The following LAMA2 variants were observed in gnomAD, a reference collection of about 807,000 sequenced individuals.
LAMA2 encodes laminin subunit alpha-2.
A neutral mutation model predicts 364.8 loss-of-function variants in LAMA2; 269 were observed. The observed-to-expected ratio is 0.74, with a 90% CI of 0.67 to 0.82. The LOEUF is 0.82. Ranked by LOEUF, LAMA2 falls within the 40% of genes least tolerant of loss-of-function variation. The pLI is 0.00. For synonymous variants in LAMA2, 1,379 were observed against 1,370.6 expected (o/e 1.01, Z -0.14); for missense variants, 3,807 against 3,873.2 (o/e 0.98, Z 0.45).
intron 3 of LAMA2, among the ~76,000 whole-genome samples, chr6:129,097,704 G>T (rs1775270858): frequency 6.6e-6 from 1 of 152,148 alleles, no homozygotes; most frequent in African/African-American, 2.4e-5. Flanking sequence ...TGTTTTTGCT[G>T]TACCATACTA....
intron 23 of LAMA2, among the ~76,000 whole-genome samples, chr6:129,313,361 A>AT (rs1463484016): frequency 1.3e-5 from 2 of 152,124 alleles, no homozygotes; most frequent in African/African-American, 4.8e-5. Flanking sequence ...TGGTATAGTG[A>AT]TTTTTTAAAA....
At chr6:129,471,925 T>C (rs1321980166) in intron 51 of LAMA2, among the ~76,000 whole-genome samples, 2 of 151,994 alleles carry the variant, frequency 1.3e-5, no homozygotes, top group African/African-American at 2.4e-5. Flanking sequence ...TTTGAAATGA[T>C]AGGGCTATAA....
intron 4 of LAMA2, among the ~76,000 whole-genome samples, chr6:129,141,365 A>G (rs749034735): frequency 2.6e-5 from 4 of 152,084 alleles, no homozygotes; most frequent in Non-Finnish European, 4.4e-5. Flanking sequence ...TGAGGAATAT[A>G]CAAGATCTGC....
chr6:129,201,370 G>A (rs763909482), intron 12 of LAMA2, among the ~76,000 whole-genome samples: 1 of 152,172 alleles, frequency 6.6e-6, no homozygotes, highest in Non-Finnish European at 1.5e-5. Context: ...CGAGGAGAGA[G>A]CTGCAGCTAT....
intron 21 of LAMA2, among the ~76,000 whole-genome samples, chr6:129,299,200 A>T (rs1562432204): frequency 6.6e-6 from 1 of 152,060 alleles, no homozygotes; most frequent in African/African-American, 2.4e-5. Flanking sequence ...CATGACTTGC[A>T]CAAAATAGCC....
At chr6:129,500,007 C>T (rs538925944) in intron 58 of LAMA2, among the ~76,000 whole-genome samples, 73 of 152,190 alleles carry the variant, frequency 4.8e-4, no homozygotes, top group Non-Finnish European at 8.8e-4. Context: ...CTTCCTGCCT[C>T]GGCTTTCCAA....
At chr6:129,084,632 G>A (rs1333428390) in intron 3 of LAMA2, among the ~76,000 whole-genome samples, 1 of 152,082 alleles carries the variant, frequency 6.6e-6, no homozygotes, top group Non-Finnish European at 1.5e-5. Flanking sequence ...TCCCCTCCAT[G>A]CAAAATGTAT....
intron 1 of LAMA2, among the ~76,000 whole-genome samples, chr6:128,986,725 CT>C (rs914753024): frequency 4.6e-5 from 7 of 151,954 alleles, no homozygotes; most frequent in Admixed American, 3.9e-4. Context: ...ATCAAATTAC[CT>C]TTTTTTAAAA....
chr6:129,125,723 G>A (rs1777073459), intron 4 of LAMA2, among the ~76,000 whole-genome samples: 1 of 152,090 alleles, frequency 6.6e-6, no homozygotes. Context: ...AGAAAAACTT[G>A]CACAGCATGG....
At chr6:129,115,205 A>G (rs1339761724) in intron 4 of LAMA2, among the ~76,000 whole-genome samples, 1 of 152,036 alleles carries the variant, frequency 6.6e-6, no homozygotes, top group Non-Finnish European at 1.5e-5. Flanking sequence ...CAATTTTGCA[A>G]CTCTATTTTA....
intron 4 of LAMA2, among the ~76,000 whole-genome samples, chr6:129,138,965 C>T (rs1285566466): frequency 6.6e-6 from 1 of 152,036 alleles, no homozygotes; most frequent in Admixed American, 6.6e-5. Flanking sequence ...AAAACAAGAA[C>T]AGTGTGTCCT....
At chr6:129,505,928 A>G (rs928587517) in intron 61 of LAMA2, among the ~76,000 whole-genome samples, 2 of 152,192 alleles carry the variant, frequency 1.3e-5, no homozygotes, top group Non-Finnish European at 2.9e-5. Context: ...TTGAATACCT[A>G]TTTAACTATT....
chr6:129,147,743 C>T (rs17056860), intron 6 of LAMA2, among the ~76,000 whole-genome samples: 4,339 of 151,956 alleles, frequency 0.029, 204 homozygotes, highest in African/African-American at 0.099. Flanking sequence ...GAATGTAAAT[C>T]GGGCCACAGA....
chr6:128,921,714 A>T (rs60208264), intron 1 of LAMA2, among the ~76,000 whole-genome samples: 3,844 of 109,502 alleles, frequency 0.035, 51 homozygotes, highest in Middle Eastern at 0.041. Flanking sequence ...TTTTTTTTTT[A>T]TTATTATTAT....
Position 129,402,464 on chromosome 6 carries a change from T to C in LAMA2, c.5703T>C (p.Asn1901=). The part of the protein sequence containing the change: ...SQAESHAAQL[N]DSSAVLDGIL... ...CTGAGAGCCACGCAGCTCAGTTGAA[T>C]GACTCATCTGCTGTCCTTGATGGGT... Residue 1901 remains asparagine, a synonymous_variant, in exon 39 of 65, where the codon AAT becomes AAC. Transcript: ENST00000421865. The C allele has an allele frequency of 6.2e-7, 1 of 1,614,166 alleles. No individual in the cohort carries two copies. Among genetic ancestry groups the C allele is most frequent in the Non-Finnish European group, 8.5e-7 (1 of 1,180,026 alleles).
intron 29 of LAMA2, among the ~76,000 whole-genome samples, chr6:129,334,804 T>C (rs114816402): frequency 6.6e-6 from 1 of 152,116 alleles, no homozygotes; most frequent in Admixed American, 6.6e-5. Flanking sequence ...AGGCACTAGA[T>C]AGCTCTCTGG....
intron 32 of LAMA2, among the ~76,000 whole-genome samples, chr6:129,361,632 G>C (rs1206484224): frequency 6.6e-6 from 1 of 152,188 alleles, no homozygotes; most frequent in African/African-American, 2.4e-5. Flanking sequence ...AGGGGTCCAA[G>C]AGTGTGAAAG....
At chr6:129,066,038 G>GTTTTTTTTTTTTT (rs544271722) in intron 3 of LAMA2, among the ~76,000 whole-genome samples, 23 of 37,110 alleles carry the variant, frequency 6.2e-4, no homozygotes, top group African/African-American at 1.9e-3. Flanking sequence ...CCAGTCTCAG[G>GTTTTTTTTTTTTT]TTTTTTTTTT....
chr6:129,112,731 A>AG (rs549629190), intron 4 of LAMA2, among the ~76,000 whole-genome samples: 4 of 146,242 alleles, frequency 2.7e-5, no homozygotes, highest in African/African-American at 7.6e-5. Flanking sequence ...AGAGAGAGAG[A>AG]GAAAAAAAAA....
Sources: gnomAD v4.1 joint callset for allele counts (sites outside exome capture counted in the v4.1 genomes callset) on GRCh38, gnomAD v4.1.1 for gene constraint, MANE v1.5 for transcripts, NCBI Gene and HGNC (gene_info 2026-07-23, HGNC 2026-07-21) for gene names.